Variants in CYTH3 observed in about 807,000 individuals in gnomAD.
CYTH3 encodes the protein cytohesin-3.
Under a neutral mutation model 55.1 loss-of-function variants are expected in CYTH3, and 23 were observed. That is an observed-to-expected ratio of 0.42 (90% CI 0.30 to 0.59). The LOEUF is 0.59. CYTH3 is among the 20% of genes least tolerant of loss of function. The pLI, the probability that CYTH3 is intolerant of heterozygous loss-of-function variation, is 0.20. For synonymous variants in CYTH3, 249 were observed against 194.9 expected (o/e 1.28, Z -2.31); for missense variants, 413 against 524.8 (o/e 0.79, Z 2.08).
rs1288656393 is a variant in CYTH3 at position 6,218,095 on chromosome 7, CTT to C, written c.35-27566_35-27565del. ...CTATTCAGGAGGCTGAGGTGGGAGA[CTT>C]GAGCCGGGGAGGTGGGAGGTTGCAG... is the stretch of plus-strand genomic sequence containing the variant. On this transcript the variant is annotated intron_variant, in intron 1 of 12. Coordinates refer to ENST00000350796, the MANE Select transcript of CYTH3 (RefSeq NM_004227.4). Among the ~76,000 whole-genome samples, 20 of 152,042 alleles carry C rather than the reference CTT, an allele frequency of 1.3e-4. No individual in the cohort carries two copies. The East Asian group carries it at 2.1e-3, about 16-fold the overall frequency.
At chr7:6,228,588 A>G (rs1438711247) in intron 1 of CYTH3, among the ~76,000 whole-genome samples, 1 of 152,184 alleles carries the variant, frequency 6.6e-6, no homozygotes, top group Non-Finnish European at 1.5e-5. Context: ...GTTTTAACAC[A>G]AGTAGAGGAA....
In CYTH3 at chr7:6,161,935, G is replaced by C. The variant is rs961645021; in HGVS notation, c.*3009C>G. 2 of 152,544 alleles carry C rather than the reference G, an allele frequency of 1.3e-5. No individual in the cohort carries two copies. Among genetic ancestry groups the C allele is most frequent in the African/African-American group, 4.8e-5 (2 of 41,496 alleles). 9.4% of individuals were successfully genotyped at this position (152,544 alleles called of 1,614,324 possible). On this transcript the variant is annotated 3_prime_UTR_variant, in exon 13 of 13. Coordinates refer to ENST00000350796, the MANE Select transcript of CYTH3 (RefSeq NM_004227.4). ...GGAGTATATACATCATTGAATAACA[G>C]ACACTCCAGAAATCAACAGATGTAC... is the stretch of plus-strand genomic sequence containing the variant.
chr7:6,264,759 T>C (rs1483348884), intron 1 of CYTH3, among the ~76,000 whole-genome samples: 1 of 152,222 alleles, frequency 6.6e-6, no homozygotes, highest in Non-Finnish European at 1.5e-5. Flanking sequence ...TATTAACAAA[T>C]ATTTACTGAA....
At chr7:6,231,216 C>T (rs1454151597) in intron 1 of CYTH3, among the ~76,000 whole-genome samples, 2 of 152,214 alleles carry the variant, frequency 1.3e-5, no homozygotes, top group African/African-American at 4.8e-5. Flanking sequence ...TAGTAGGGAA[C>T]GCAGCACTTA....
chr7:6,174,590 C>G (rs1377532710), intron 5 of CYTH3, among the ~76,000 whole-genome samples: 1 of 147,004 alleles, frequency 6.8e-6, no homozygotes, highest in Non-Finnish European at 1.5e-5. Flanking sequence ...CTCTGCTGCC[C>G]AGGCTGGAGT....
At chr7:6,256,490 C>T (rs1780127295) in intron 1 of CYTH3, among the ~76,000 whole-genome samples, 1 of 152,198 alleles carries the variant, frequency 6.6e-6, no homozygotes, top group African/African-American at 2.4e-5. Flanking sequence ...AGATGGTCTT[C>T]ATTACCTTTA....
At chr7:6,194,959 G>A (rs1227034729) in intron 1 of CYTH3, among the ~76,000 whole-genome samples, 1 of 151,782 alleles carries the variant, frequency 6.6e-6, no homozygotes, top group African/African-American at 2.4e-5. Flanking sequence ...TGAGCCACAA[G>A]AGCAAAACTC....
intron 1 of CYTH3, among the ~76,000 whole-genome samples, chr7:6,206,221 A>C (rs1387403364): frequency 6.6e-6 from 1 of 152,246 alleles, no homozygotes; most frequent in Admixed American, 6.5e-5. Context: ...TCAACAGATG[A>C]ATGGATTTAA....
intron 1 of CYTH3, among the ~76,000 whole-genome samples, chr7:6,244,563 CA>C: frequency 6.6e-6 from 1 of 152,332 alleles, no homozygotes; most frequent in East Asian, 1.9e-4. Context: ...CACCTGGACT[CA>C]AGCGATCCTC....
intron 1 of CYTH3, among the ~76,000 whole-genome samples, chr7:6,240,761 C>A (rs1241634379): frequency 6.6e-6 from 1 of 152,002 alleles, no homozygotes; most frequent in South Asian, 2.1e-4. Context: ...TCGGCAAATT[C>A]TTTTATAATC....
intron 9 of CYTH3, among the ~76,000 whole-genome samples, chr7:6,168,272 T>C (rs1252611523): frequency 6.7e-6 from 1 of 150,338 alleles, no homozygotes; most frequent in Admixed American, 6.7e-5. Flanking sequence ...AAGTCTTAAG[T>C]TACCAACAAT....
chr7:6,197,202 T>G (rs1783955787), intron 1 of CYTH3, among the ~76,000 whole-genome samples: 3 of 152,160 alleles, frequency 2.0e-5, no homozygotes, highest in African/African-American at 7.2e-5. Flanking sequence ...CCTAAGGAGT[T>G]GAATAAGCAC....
intron 1 of CYTH3, among the ~76,000 whole-genome samples, chr7:6,250,075 A>C (rs1779923132): frequency 6.6e-6 from 1 of 152,128 alleles, no homozygotes; most frequent in Non-Finnish European, 1.5e-5. Flanking sequence ...CAGGGGATGG[A>C]AATTTGTTGT....
intron 1 of CYTH3, among the ~76,000 whole-genome samples, chr7:6,248,098 C>T (rs1008426840): frequency 1.3e-5 from 2 of 151,954 alleles, no homozygotes; most frequent in African/African-American, 4.8e-5. Context: ...ATTTACTTCT[C>T]ATTTCTATAA....
At chr7:6,272,447 C>T in intron 1 of CYTH3, 27 bp downstream of exon 1, 3 of 1,337,924 alleles carry the variant, frequency 2.2e-6, no homozygotes, top group Non-Finnish European at 1.9e-6. Flanking sequence ...AGGCCGCCGG[C>T]GAGCCCACCA....
chr7:6,186,500 C>T (rs956630665), intron 4 of CYTH3, among the ~76,000 whole-genome samples: 1 of 152,150 alleles, frequency 6.6e-6, no homozygotes, highest in Non-Finnish European at 1.5e-5. Context: ...CCTAGAAAAT[C>T]CAACTTGAGG....
chr7:6,244,253 A>G (rs1779749186), intron 1 of CYTH3, among the ~76,000 whole-genome samples: 2 of 152,160 alleles, frequency 1.3e-5, no homozygotes, highest in African/African-American at 4.8e-5. Flanking sequence ...AGATGACAAA[A>G]CTCCTAAACC....
intron 1 of CYTH3, among the ~76,000 whole-genome samples, chr7:6,202,276 G>A (rs993276487): frequency 3.3e-5 from 5 of 152,264 alleles, no homozygotes; most frequent in African/African-American, 1.2e-4. Context: ...TGAGGTCCCA[G>A]CTGCTGCAGC....
chr7:6,234,729 C>T (rs982166948), intron 1 of CYTH3, among the ~76,000 whole-genome samples: 3 of 152,158 alleles, frequency 2.0e-5, no homozygotes, highest in Non-Finnish European at 2.9e-5. Context: ...TCTCCCACCG[C>T]GTGGCAGGGC....
Sources: gnomAD v4.1 joint callset for allele counts (sites outside exome capture counted in the v4.1 genomes callset) on GRCh38, gnomAD v4.1.1 for gene constraint, MANE v1.5 for transcripts, NCBI Gene and HGNC (gene_info 2026-07-23, HGNC 2026-07-21) for gene names.